SLC28A3: variants seen among roughly 807,000 people sequenced by gnomAD.
SLC28A3 encodes the protein solute carrier family 28 member 3.
Under a neutral mutation model 84.2 loss-of-function variants are expected in SLC28A3, and 68 were observed. The observed-to-expected ratio is 0.81, with a 90% CI of 0.66 to 0.99. The LOEUF is 0.99. Among genes scored for constraint, SLC28A3 ranks in the 50% least tolerant of loss-of-function variants. The probability of loss-of-function intolerance (pLI) is 0.00; values close to 1 mark genes in which losing one functional copy is unlikely to be tolerated. For synonymous variants in SLC28A3, 267 were observed against 303.6 expected (o/e 0.88, Z 1.25); for missense variants, 712 against 841.5 (o/e 0.85, Z 1.90).
chr9:84,314,869 G>A (rs1335499470), intron 1 of SLC28A3, among the ~76,000 whole-genome samples: 1 of 152,220 alleles, frequency 6.6e-6, no homozygotes, highest in Non-Finnish European at 1.5e-5. Flanking sequence ...ACGAGGTCAG[G>A]AGATTGAGAC....
At chr9:84,350,592 T>A in the SLC28A3 span, among the ~76,000 whole-genome samples, 1 of 152,312 alleles carries the variant, frequency 6.6e-6, no homozygotes, top group East Asian at 1.9e-4. Flanking sequence ...AGTGGTGAGT[T>A]AATGTTAAGG....
At chr9:84,337,929 G>C (rs910638699) in intron 1 of SLC28A3, among the ~76,000 whole-genome samples, 2 of 152,120 alleles carry the variant, frequency 1.3e-5, no homozygotes, top group Non-Finnish European at 2.9e-5. Flanking sequence ...CTGACTTTGT[G>C]CTCCTGTTTA....
chr9:84,351,020 T>C, the SLC28A3 span, among the ~76,000 whole-genome samples: 1 of 152,220 alleles, frequency 6.6e-6, no homozygotes, highest in African/African-American at 2.4e-5. Flanking sequence ...TTTTTTACCT[T>C]ATAAATGTTC....
the SLC28A3 span, among the ~76,000 whole-genome samples, chr9:84,360,003 A>C: frequency 8.4e-6 from 1 of 118,946 alleles, no homozygotes; most frequent in Non-Finnish European, 1.7e-5. Context: ...ACTCTGTCTC[A>C]AAAAAAAAAA....
chr9:84,346,420 A>G, the SLC28A3 span, among the ~76,000 whole-genome samples: 3 of 152,232 alleles, frequency 2.0e-5, no homozygotes, highest in Non-Finnish European at 1.5e-5. Context: ...ATTTGTAAAA[A>G]TTGTGTAGAA....
chr9:84,295,770 C>T (rs866752523), intron 8 of SLC28A3, among the ~76,000 whole-genome samples: 1 of 152,124 alleles, frequency 6.6e-6, no homozygotes, highest in South Asian at 2.1e-4. Context: ...TCCTACTGTA[C>T]CCCCTCCCTA....
the SLC28A3 span, among the ~76,000 whole-genome samples, chr9:84,352,060 T>C: frequency 6.6e-6 from 1 of 152,226 alleles, no homozygotes; most frequent in African/African-American, 2.4e-5. Context: ...TTTGAATTAT[T>C]CATATATGTA....
chr9:84,314,451 A>G (rs1275393291), intron 1 of SLC28A3, among the ~76,000 whole-genome samples: 1 of 152,172 alleles, frequency 6.6e-6, no homozygotes, highest in Non-Finnish European at 1.5e-5. Flanking sequence ...TGTTAGCCCA[A>G]CGACTATGAC....
At chr9:84,290,117 A>C (rs1164386322) in intron 11 of SLC28A3, 37 bp downstream of exon 11, 1 of 1,603,008 alleles carries the variant, frequency 6.2e-7, no homozygotes. Context: ...TAAAGAAAGA[A>C]GAGGTTGGTG....
intron 1 of SLC28A3, among the ~76,000 whole-genome samples, chr9:84,313,762 C>G (rs1826070196): frequency 6.6e-6 from 1 of 151,142 alleles, no homozygotes; most frequent in African/African-American, 2.4e-5. Flanking sequence ...TGTTGTGCAC[C>G]TATAATCCCA....
At position 84,319,632 on chromosome 9, in the gene SLC28A3, G is replaced by A. The variant is rs371187707; in HGVS notation, c.61-6178C>T. Reference sequence around the variant, plus strand: ...TCTTATTGTTGCTTTTGATACTTGTGTTGATCATTTGTGTTTATTAATGTG... The same window carrying A: ...TCTTATTGTTGCTTTTGATACTTGTATTGATCATTTGTGTTTATTAATGTG... On this transcript the variant is annotated intron_variant, in intron 1 of 17. Coordinates refer to ENST00000376238, the MANE Select transcript of SLC28A3 (RefSeq NM_001199633.2). Among the ~76,000 whole-genome samples the A allele has an allele frequency of 7.9e-5, 12 of 152,290 alleles. No individual in the cohort carries two copies. The East Asian group carries it at 1.3e-3, about 17-fold the overall frequency.
In SLC28A3 at chr9:84,288,122, A is replaced by G; in HGVS notation, c.1206T>C (p.Ala402=). The change falls in exon 12 of 18, where the codon GCT becomes GCC. Residue 402 remains alanine (A), a synonymous_variant. Transcript: ENST00000376238. ...TCTCAGGCCAAAAGAGTTTAGCAGC[A>G]GCCAATGACGCAGGTGCTGACATAA... ...ASVMSAPASL[A]AAKLFWPETE... is the part of the protein sequence containing the mutation. 6.2e-7 allele frequency: 1 copy of G among 1,614,164 alleles called. No individual in the cohort carries two copies.
intron 12 of SLC28A3, among the ~76,000 whole-genome samples, 157 bp downstream of exon 12, chr9:84,287,890 TA>T (rs1367283276): frequency 6.6e-6 from 1 of 152,106 alleles, no homozygotes; most frequent in African/African-American, 2.4e-5. Flanking sequence ...GGAAATAAAA[TA>T]AGACTTTTTT....
At chr9:84,293,371 A>C (rs926262825) in intron 9 of SLC28A3, among the ~76,000 whole-genome samples, 2 of 152,314 alleles carry the variant, frequency 1.3e-5, no homozygotes, top group South Asian at 4.1e-4. Flanking sequence ...AGAGCATAAC[A>C]ATTCTGAATG....
chr9:84,354,587 C>G, the SLC28A3 span, among the ~76,000 whole-genome samples: 1 of 152,242 alleles, frequency 6.6e-6, no homozygotes, highest in Non-Finnish European at 1.5e-5. Context: ...GTGGCTCACG[C>G]CAGTAATCCC....
At chr9:84,299,345 G>C (rs553404614) in intron 6 of SLC28A3, among the ~76,000 whole-genome samples, 4 of 152,222 alleles carry the variant, frequency 2.6e-5, no homozygotes, top group Non-Finnish European at 5.9e-5. Context: ...ACTTGACAGG[G>C]AGAGAACGTC....
At chr9:84,351,293 A>G in the SLC28A3 span, among the ~76,000 whole-genome samples, 5 of 152,190 alleles carry the variant, frequency 3.3e-5, no homozygotes, top group Non-Finnish European at 7.3e-5. Context: ...ACTATTGTAT[A>G]TGAGGTCTCT....
Position 84,277,077 on chromosome 9 carries a change from C to T in SLC28A3, c.*1141G>A, listed in dbSNP as rs1338835597. 1 of 152,234 alleles carries T rather than the reference C, an allele frequency of 6.6e-6. No individual in the cohort carries two copies. 9.4% of individuals were successfully genotyped at this position (152,234 alleles called of 1,614,324 possible). A position where few individuals can be genotyped will look rare whatever the true frequency, so the allele number is the denominator to read the frequency against. On this transcript the variant is annotated 3_prime_UTR_variant, in exon 18 of 18. Coordinates refer to ENST00000376238, the MANE Select transcript of SLC28A3 (RefSeq NM_001199633.2). ...ATCCTGGTCAATGAAATTATCAACG[C>T]AAGGTTTTCAGAGCTCAACCAGGAC...
chr9:84,345,490 T>C (rs1827234482), upstream of SLC28A3, among the ~76,000 whole-genome samples: 2 of 152,224 alleles, frequency 1.3e-5, no homozygotes, highest in South Asian at 4.1e-4. Flanking sequence ...CTCCAATGCC[T>C]GACATTCTTG....
Sources: gnomAD v4.1 joint callset for allele counts (sites outside exome capture counted in the v4.1 genomes callset) on GRCh38, gnomAD v4.1.1 for gene constraint, MANE v1.5 for transcripts, NCBI Gene and HGNC (gene_info 2026-07-23, HGNC 2026-07-21) for gene names.